IDI1: variants seen among roughly 807,000 people sequenced by gnomAD.
The protein encoded by IDI1 is isopentenyl-diphosphate delta isomerase 1, also known as isopentenyl-diphosphate Delta-isomerase 1.
In IDI1, 23 loss-of-function variants were observed where a neutral mutation model predicts 32.9. The ratio of observed to expected loss-of-function variants is 0.70; its 90% CI spans 0.50 to 0.99. The LOEUF is 0.99. Ranked by LOEUF, IDI1 falls within the 50% of genes least tolerant of loss-of-function variation. The pLI, the probability that IDI1 is intolerant of heterozygous loss-of-function variation, is 0.00. For missense variants in IDI1, 326 were observed against 351.9 expected (o/e 0.93, Z 0.59); for synonymous variants, 133 against 128.2 (o/e 1.04, Z -0.25).
At position 1,048,849 on chromosome 10, in the gene IDI1, G is replaced by A. The variant is rs780837869; in HGVS notation, c.140+15C>T. The A allele has an allele frequency of 5.1e-5, 82 of 1,602,510 alleles. No homozygotes were observed. Among genetic ancestry groups the A allele is most frequent in the Middle Eastern group, 1.9e-4 (1 of 5,368 alleles). On this transcript the variant is annotated intron_variant, in intron 1 of 4. Coordinates refer to ENST00000381344, the MANE Select transcript of IDI1 (RefSeq NM_004508.4). ...CTGCCCCTGTCTCCCGAACTCCGCC[G>A]CCCGTCCACAGTACCTGATCAGCCT...
rs1832534844 is a variant in IDI1, at chr10:1,040,583, TGTAA to T, written c.*600_*603del. 1 of 152,338 alleles carries T rather than the reference TGTAA, an allele frequency of 6.6e-6. No individual in the cohort carries two copies. The highest frequency in any genetic ancestry group is 2.4e-5 in the African/African-American group (1 of 41,456). The allele number at this position is 152,338 out of a possible 1,614,324, so 9.4% of individuals were successfully genotyped here. On this transcript the variant is annotated 3_prime_UTR_variant, in exon 5 of 5. Transcript: ENST00000381344. ...TCACTTATCAAAAGCAGTGGCTGACTGTAAGTATCAACATGTTTCCAGAATGAAT... is the reference window on the plus strand; with the variant it reads ...TCACTTATCAAAAGCAGTGGCTGACTGTATCAACATGTTTCCAGAATGAAT...
chr10:1,048,693 C>T (rs1004508793), intron 1 of IDI1, 171 bp downstream of exon 1: 5 of 1,416,300 alleles, frequency 3.5e-6, no homozygotes, highest in Non-Finnish European at 4.6e-6. Flanking sequence ...CCCGGGAAGG[C>T]CCGGCCTCCC....
At chr10:1,049,462 C>CTCT (rs1832924551), upstream of IDI1, 1 of 79,574 alleles carries the variant, frequency 1.3e-5, no homozygotes, top group African/African-American at 5.4e-5. Flanking sequence ...TGGTTGGGCA[C>CTCT]TCCCCCCCCT....
intron 1 of IDI1, chr10:1,048,143 G>T: frequency 1.1e-6 from 1 of 915,624 alleles, no homozygotes; most frequent in Non-Finnish European, 1.5e-6. Context: ...TTAAAGGCGT[G>T]CACCACCGCC....
At chr10:1,045,292 C>G (rs1029559723) in intron 1 of IDI1, among the ~76,000 whole-genome samples, 8 of 152,220 alleles carry the variant, frequency 5.3e-5, no homozygotes, top group African/African-American at 1.9e-4. Context: ...TCTTTGTATC[C>G]TTCAGGGCAC....
chr10:1,048,879 C>T lies in IDI1; in HGVS notation c.125G>A (p.Gly42Asp). ...GRHPGPAVVC[G>D]RRLISVLEQI... ...TCCACAGTACCTGATCAGCCTCCGG[C>T]CACAGACAACCGCCGGTCCCGGATG... Residue 42 changes from glycine (G) to aspartate (D), a missense_variant, in exon 1 of 5, where the codon GGC becomes GAC. Coordinates refer to ENST00000381344, the MANE Select transcript of IDI1 (RefSeq NM_004508.4). The T allele has an allele frequency of 6.2e-7, 1 of 1,605,580 alleles. No individual in the cohort carries two copies. Among genetic ancestry groups the T allele is most frequent in the South Asian group, 1.1e-5 (1 of 90,780 alleles).
chr10:1,051,239 C>T (rs1383122386), upstream of IDI1, among the ~76,000 whole-genome samples: 3 of 152,188 alleles, frequency 2.0e-5, no homozygotes, highest in African/African-American at 7.2e-5. Flanking sequence ...GTAATCTCAT[C>T]AGAAAAGTTT....
upstream of IDI1, among the ~76,000 whole-genome samples, chr10:1,053,230 C>T (rs374568514): frequency 5.9e-5 from 9 of 152,278 alleles, no homozygotes; most frequent in African/African-American, 2.2e-4. Flanking sequence ...TTGAACTCCT[C>T]ACCTCAAGGG....
chr10:1,048,833 TC>T, intron 1 of IDI1, 30 bp downstream of exon 1: 1 of 1,598,888 alleles, frequency 6.3e-7, no homozygotes, highest in Non-Finnish European at 8.5e-7. Context: ...CCTGCCCCTG[TC>T]TCCCGAACTC....
intron 1 of IDI1, among the ~76,000 whole-genome samples, chr10:1,045,868 T>G (rs1184098935): frequency 1.2e-4 from 1 of 8,672 alleles, no homozygotes; most frequent in Non-Finnish European, 2.0e-4. Context: ...AGGGTCTGGG[T>G]GTGTGTGTGT....
intron 4 of IDI1, among the ~76,000 whole-genome samples, chr10:1,041,738 GTTT>G (rs368569740): frequency 1.3e-3 from 180 of 135,332 alleles, no homozygotes; most frequent in African/African-American, 4.7e-3. Context: ...GATCAGATAA[GTTT>G]TTTTTTTTTT....
chr10:1,051,163 T>C (rs905035759), upstream of IDI1, among the ~76,000 whole-genome samples: 15 of 152,238 alleles, frequency 9.9e-5, no homozygotes, highest in Admixed American at 9.8e-4. Context: ...TTTACTGAAT[T>C]AAACAGATCT....
At chr10:1,048,716 G>A (rs1349484154) in intron 1 of IDI1, 148 bp downstream of exon 1, 46 of 1,427,276 alleles carry the variant, frequency 3.2e-5, no homozygotes, top group Non-Finnish European at 3.6e-5. Flanking sequence ...CAGTTCGGGA[G>A]ACCAACGCCG....
At chr10:1,056,165 G>A in the IDI1 span, among the ~76,000 whole-genome samples, 1 of 152,082 alleles carries the variant, frequency 6.6e-6, no homozygotes, top group Non-Finnish European at 1.5e-5. Flanking sequence ...AAAAAAAAAT[G>A]CTTTCACGCT....
chr10:1,054,939 G>C, the IDI1 span, among the ~76,000 whole-genome samples: 1 of 152,216 alleles, frequency 6.6e-6, no homozygotes, highest in Admixed American at 6.5e-5. Context: ...AGACTGGCGG[G>C]GGCATGCTGC....
chr10:1,049,407 G>C, upstream of IDI1: 1 of 189,778 alleles, frequency 5.3e-6, no homozygotes, highest in Non-Finnish European at 1.1e-5. Flanking sequence ...CGCATGGCTG[G>C]ACCAATGGAA....
chr10:1,042,513 C>T lies in IDI1; in HGVS notation c.537+119G>A, dbSNP rs774057995. On this transcript the variant is annotated intron_variant, in intron 4 of 4. Coordinates refer to ENST00000381344, the MANE Select transcript of IDI1 (RefSeq NM_004508.4). Reference sequence around the variant, plus strand: ...TATTCAAGATGGTTTGTGGGGCTAACTCATAACTCCGGAGGTTACCAAGCA... The same window carrying T: ...TATTCAAGATGGTTTGTGGGGCTAATTCATAACTCCGGAGGTTACCAAGCA... 4.3e-6 allele frequency: 4 copies of T among 936,242 alleles called. No homozygotes were observed. In the South Asian group the frequency reaches 5.4e-5, roughly 13 times the overall value. 58.0% of individuals were successfully genotyped at this position (936,242 alleles called of 1,614,324 possible). A position where few individuals can be genotyped will look rare whatever the true frequency, so the allele number is the denominator to read the frequency against.
In IDI1 at chr10:1,044,295, C is replaced by T. The variant is rs1009043175; in HGVS notation, c.141-124G>A. On this transcript the variant is annotated intron_variant, in intron 1 of 4. Coordinates refer to ENST00000381344, the MANE Select transcript of IDI1 (RefSeq NM_004508.4). ...GTACCACTCTGCATCCCCACAGGGA[C>T]CCCAAGAACGCTGCCAGCCGGCTGC... 1.6e-5 allele frequency: 11 copies of T among 674,748 alleles called. No homozygotes were observed. The Admixed American group carries it at 2.0e-4, about 13-fold the overall frequency. The allele number at this position is 674,748 out of a possible 1,614,324, so 41.8% of individuals were successfully genotyped here.
At chr10:1,052,026 C>T (rs943437110), upstream of IDI1, among the ~76,000 whole-genome samples, 6 of 152,190 alleles carry the variant, frequency 3.9e-5, no homozygotes, top group Non-Finnish European at 7.3e-5. Flanking sequence ...GCGTGTGCCA[C>T]CATGCCCGGC....
Sources: allele counts gnomAD v4.1 joint callset (sites outside exome capture counted in the v4.1 genomes callset), GRCh38; gene constraint gnomAD v4.1.1; transcripts MANE v1.5; gene names NCBI Gene and HGNC (gene_info 2026-07-23, HGNC 2026-07-21).